Variants in GRID2 observed in about 807,000 individuals in gnomAD.
The protein encoded by GRID2 is glutamate receptor ionotropic, delta-2.
A neutral mutation model predicts 114.8 loss-of-function variants in GRID2; 33 were observed. The ratio of observed to expected loss-of-function variants is 0.29; its 90% CI spans 0.22 to 0.38. GRID2 has a LOEUF of 0.38. GRID2 is among the 10% of genes least tolerant of loss of function. GRID2 has a pLI of 1.00. For missense variants in GRID2, 1,184 were observed against 1,257.7 expected (o/e 0.94, Z 0.89); for synonymous variants, 505 against 449.9 (o/e 1.12, Z -1.55).
intron 2 of GRID2, among the ~76,000 whole-genome samples, chr4:92,920,074 T>C (rs981704338): frequency 6.6e-6 from 1 of 152,204 alleles, no homozygotes; most frequent in Non-Finnish European, 1.5e-5. Context: ...GCTCTTCTTG[T>C]TGAATTGATC....
chr4:93,554,491 G>C (rs543130804), intron 13 of GRID2, among the ~76,000 whole-genome samples: 11 of 152,030 alleles, frequency 7.2e-5, no homozygotes, highest in Non-Finnish European at 1.5e-4. Flanking sequence ...TGTTTATGGG[G>C]TACTTGTGAT....
intron 3 of GRID2, among the ~76,000 whole-genome samples, chr4:93,105,997 C>G (rs889714858): frequency 1.3e-5 from 2 of 151,996 alleles, no homozygotes; most frequent in African/African-American, 4.8e-5. Flanking sequence ...ACCACAAGTT[C>G]CTTTATAGTG....
At chr4:93,127,628 T>C (rs1734397084) in intron 4 of GRID2, among the ~76,000 whole-genome samples, 2 of 152,074 alleles carry the variant, frequency 1.3e-5, no homozygotes, top group African/African-American at 4.8e-5. Flanking sequence ...GCTGAGGAGA[T>C]TGATACACAG....
chr4:93,374,797 G>C (rs1419694096), intron 8 of GRID2, among the ~76,000 whole-genome samples: 2 of 152,100 alleles, frequency 1.3e-5, no homozygotes, highest in African/African-American at 4.8e-5. Context: ...GAAGGTGTGT[G>C]GTTAGGAGTT....
chr4:93,712,222 CTT>C (rs1728547685), intron 14 of GRID2, among the ~76,000 whole-genome samples: 1 of 152,000 alleles, frequency 6.6e-6, no homozygotes, highest in East Asian at 1.9e-4. Context: ...CAATCCCTAT[CTT>C]ATATATTTTT....
intron 14 of GRID2, among the ~76,000 whole-genome samples, chr4:93,731,834 G>C (rs1444879093): frequency 6.6e-6 from 1 of 152,084 alleles, no homozygotes; most frequent in Non-Finnish European, 1.5e-5. Flanking sequence ...TCCCCAGAAA[G>C]CCTGGGCCTT....
At chr4:92,801,633 T>C (rs892472684) in intron 2 of GRID2, among the ~76,000 whole-genome samples, 5 of 151,916 alleles carry the variant, frequency 3.3e-5, no homozygotes, top group African/African-American at 1.2e-4. Context: ...TACATGCGAA[T>C]ACTTATTTAT....
At chr4:92,571,415 C>T (rs995680203) in intron 1 of GRID2, among the ~76,000 whole-genome samples, 29 of 152,248 alleles carry the variant, frequency 1.9e-4, no homozygotes, top group Non-Finnish European at 4.3e-4. Context: ...GAGACTTAGA[C>T]TCCCACACAA....
intron 14 of GRID2, among the ~76,000 whole-genome samples, chr4:93,684,173 T>G (rs1725864662): frequency 6.6e-6 from 1 of 152,184 alleles, no homozygotes; most frequent in South Asian, 2.1e-4. Flanking sequence ...ATTGTTTTTG[T>G]CTTTCTGACT....
intron 4 of GRID2, among the ~76,000 whole-genome samples, chr4:93,194,776 C>T (rs1476428247): frequency 1.3e-5 from 2 of 152,160 alleles, no homozygotes; most frequent in African/African-American, 4.8e-5. Flanking sequence ...ATTCCCTGAA[C>T]CTACAATATT....
chr4:93,781,770 G>A (rs1734485513), intron 1 of GRID2, among the ~76,000 whole-genome samples: 1 of 152,152 alleles, frequency 6.6e-6, no homozygotes, highest in African/African-American at 2.4e-5. Context: ...CAAGAAAAAT[G>A]TCTGTACATG....
intron 2 of GRID2, among the ~76,000 whole-genome samples, chr4:92,870,607 A>G (rs1161918634): frequency 6.6e-6 from 1 of 150,678 alleles, no homozygotes; most frequent in African/African-American, 2.4e-5. Context: ...TACATAGTGA[A>G]CAACAGGAAT....
chr4:93,419,421 A>G (rs1768047583), intron 9 of GRID2, among the ~76,000 whole-genome samples: 2 of 151,976 alleles, frequency 1.3e-5, no homozygotes, highest in African/African-American at 4.8e-5. Flanking sequence ...CTTTTCTATT[A>G]TAGTTCCCAA....
chr4:92,983,925 A>G (rs1234985374), intron 2 of GRID2, among the ~76,000 whole-genome samples: 6 of 152,180 alleles, frequency 3.9e-5, no homozygotes, highest in Non-Finnish European at 5.9e-5. Flanking sequence ...ACTTGAAGAA[A>G]GAAGCAATAG....
intron 1 of GRID2, among the ~76,000 whole-genome samples, chr4:92,399,869 T>C (rs1730703508): frequency 6.6e-6 from 1 of 152,184 alleles, no homozygotes; most frequent in Non-Finnish European, 1.5e-5. Flanking sequence ...CAGATGTAGT[T>C]ACTTTACGTA....
intron 8 of GRID2, among the ~76,000 whole-genome samples, chr4:93,333,084 C>G (rs756397295): frequency 6.6e-6 from 1 of 151,938 alleles, no homozygotes; most frequent in East Asian, 1.9e-4. Context: ...TGCTCTAAGC[C>G]TTTTTTAGCT....
rs556769301 is a variant in GRID2, at chr4:93,323,979, C to G, written c.1246-71628C>G. Among the ~76,000 whole-genome samples, 15 of 152,276 alleles carry G rather than the reference C, an allele frequency of 9.9e-5. No individual in the cohort carries two copies. The South Asian group carries it at 2.9e-3, about 29-fold the overall frequency. ...CGATGGGGTTTTCTAAATGTACAAT[C>G]ATGTCATCTGCAAACAGGGACAATT... On this transcript the variant is annotated intron_variant, in intron 8 of 15. Coordinates refer to ENST00000282020, the MANE Select transcript of GRID2 (RefSeq NM_001510.4).
At chr4:93,808,358 A>G (rs995330547) in exon 2 of GRID2, 1 of 152,222 alleles carries the variant, frequency 6.6e-6, no homozygotes, top group Non-Finnish European at 1.5e-5. Flanking sequence ...TATATACTGT[A>G]CCTACCTCAC....
chr4:93,653,325 C>T lies in GRID2; in HGVS notation c.2360+26890C>T, dbSNP rs143940702. The stretch of plus-strand genomic sequence containing the variant: ...CATATTTGTAAGAGAAGGCAAATTC[C>T]GTTTTTATTAGTTAATATATTTGGC... On this transcript the variant is annotated intron_variant, in intron 14 of 15. Transcript: ENST00000282020. 1.7e-3 allele frequency among the ~76,000 whole-genome samples: 257 copies of T among 152,214 alleles called. 1 individual carries two copies. The highest frequency in any genetic ancestry group is 2.8e-3 in the Non-Finnish European group (191 of 68,000).
Sources: allele counts gnomAD v4.1 joint callset (sites outside exome capture counted in the v4.1 genomes callset), GRCh38; gene constraint gnomAD v4.1.1; transcripts MANE v1.5; gene names NCBI Gene and HGNC (gene_info 2026-07-23, HGNC 2026-07-21).